The following ATP2B3 variants were observed in gnomAD, a reference collection of about 807,000 sequenced individuals.
The protein encoded by ATP2B3 is ATPase plasma membrane Ca2+ transporting 3.
A neutral mutation model predicts 70.8 loss-of-function variants in ATP2B3; 12 were observed. The observed-to-expected ratio is 0.17, with a 90% confidence interval of 0.11 to 0.27. ATP2B3 has a LOEUF of 0.27. ATP2B3 is among the 10% of genes least tolerant of loss of function. The probability of loss-of-function intolerance (pLI) is 1.00; values close to 1 mark genes in which losing one functional copy is unlikely to be tolerated. For synonymous variants in ATP2B3, 460 were observed against 497.8 expected (o/e 0.92, Z 1.01); for missense variants, 858 against 1,118.5 (o/e 0.77, Z 3.32).
chrX:153,578,735 G>GA (rs1396444587), intron 21 of ATP2B3, among the ~76,000 whole-genome samples: 2 of 112,540 alleles, frequency 1.8e-5, no homozygotes, highest in Non-Finnish European at 3.8e-5. Flanking sequence ...CTCCTGTGGG[G>GA]AGGGATGGCC....
chrX:153,536,704 GAC>G (rs1219035289), intron 3 of ATP2B3, among the ~76,000 whole-genome samples: 1 of 112,272 alleles, frequency 8.9e-6, no homozygotes, highest in Non-Finnish European at 1.9e-5. Context: ...AACTTCATGG[GAC>G]ACACACACAG....
intron 20 of ATP2B3, among the ~76,000 whole-genome samples, chrX:153,564,020 C>T (rs1208171658): frequency 3.6e-5 from 4 of 112,271 alleles, no homozygotes; most frequent in Non-Finnish European, 7.5e-5. Flanking sequence ...CCCCCCACTT[C>T]CCAGTGGCCT....
chrX:153,543,184 C>T lies in ATP2B3; in HGVS notation c.916+16C>T, dbSNP rs781932986. 1.2e-5 allele frequency: 14 copies of T among 1,199,915 alleles called. No homozygotes were observed. In the African/African-American group the frequency reaches 1.9e-4, roughly 16 times the overall value. ...GATAAGAAAGGTAGCGCAGCAGTGC[C>T]GCCAGTCCCTGGTGCTGGTGGCGGC... is the stretch of plus-strand genomic sequence containing the variant. On this transcript the variant is annotated intron_variant, in intron 7 of 21. Coordinates refer to ENST00000263519, the MANE Select transcript of ATP2B3 (RefSeq NM_001001344.3).
intron 9 of ATP2B3, 143 bp from the exon 10 acceptor site, chrX:153,548,497 G>A: frequency 1.8e-6 from 1 of 546,127 alleles, no homozygotes; most frequent in Non-Finnish European, 2.9e-6. Context: ...AACCTGGGCT[G>A]TTTATCCTGA....
chrX:153,520,886 G>C (rs1167313891), intron 2 of ATP2B3, among the ~76,000 whole-genome samples: 1 of 112,706 alleles, frequency 8.9e-6, no homozygotes, highest in African/African-American at 3.2e-5. Context: ...GGAAGACCTT[G>C]CAGCTCAGAA....
intron 1 of ATP2B3, among the ~76,000 whole-genome samples, chrX:153,518,138 C>G (rs1387615094): frequency 1.8e-5 from 2 of 112,561 alleles, no homozygotes; most frequent in Non-Finnish European, 3.8e-5. Context: ...CGCGCGCACG[C>G]GCATCCGTGT....
At chrX:153,518,369 C>T (rs2089907949) in intron 1 of ATP2B3, among the ~76,000 whole-genome samples, 63 bp from the exon 2 acceptor site, 1 of 112,777 alleles carries the variant, frequency 8.9e-6, no homozygotes, top group African/African-American at 3.2e-5. Flanking sequence ...CCACCGCGGT[C>T]ATGGGCAGTG....
At chrX:153,525,954 T>C (rs782602214) in intron 2 of ATP2B3, among the ~76,000 whole-genome samples, 2 of 113,159 alleles carry the variant, frequency 1.8e-5, no homozygotes, top group East Asian at 5.6e-4. Flanking sequence ...AGGGAGGCAC[T>C]CGTGGCTGTG....
intron 17 of ATP2B3, 100 bp from the exon 18 acceptor site, chrX:153,559,629 G>A (rs902922088): frequency 8.7e-6 from 6 of 688,732 alleles, no homozygotes; most frequent in Non-Finnish European, 1.3e-5. Flanking sequence ...AAATCCTGGT[G>A]ATGTGGACCC....
At position 153,580,600 on chromosome X, in the gene ATP2B3, A is replaced by T. The variant is rs1195678774; in HGVS notation, c.*302A>T. 12 of 282,341 alleles carry T rather than the reference A, an allele frequency of 4.3e-5. No homozygotes were observed. Among genetic ancestry groups the T allele is most frequent in the Non-Finnish European group, 7.5e-5 (12 of 159,760 alleles). The allele number at this position is 282,341 out of a possible 1,213,427, so 23.3% of individuals were successfully genotyped here. On this transcript the variant is annotated 3_prime_UTR_variant, in exon 22 of 22. Transcript: ENST00000263519. ...CTTCGTCCAAAGGAGGAAGGAGAAG[A>T]AGTAGAAAGTGCGAAGAGCTGAGTT... is the stretch of plus-strand genomic sequence containing the variant.
chrX:153,552,490 G>A (rs1557011876), intron 12 of ATP2B3, among the ~76,000 whole-genome samples: 1 of 112,101 alleles, frequency 8.9e-6, no homozygotes, highest in African/African-American at 3.2e-5. Flanking sequence ...CTTTTGAGAA[G>A]CTCCTGGAGT....
At chrX:153,570,389 G>A (rs1557019531) in intron 21 of ATP2B3, among the ~76,000 whole-genome samples, 1 of 112,692 alleles carries the variant, frequency 8.9e-6, no homozygotes, top group Non-Finnish European at 1.9e-5. Context: ...CCAAGCCACC[G>A]GGTGTTAGAG....
At chrX:153,572,033 C>T (rs556862707) in intron 21 of ATP2B3, among the ~76,000 whole-genome samples, 2 of 112,677 alleles carry the variant, frequency 1.8e-5, no homozygotes, top group South Asian at 7.3e-4. Context: ...CTTCAAGGAC[C>T]CCAAGCAATC....
intron 21 of ATP2B3, among the ~76,000 whole-genome samples, chrX:153,571,706 G>T (rs1334090055): frequency 5.3e-5 from 6 of 112,559 alleles, no homozygotes; most frequent in Admixed American, 1.9e-4. Flanking sequence ...AGTAGAGTGG[G>T]AGAGACGCCA....
chrX:153,560,818 G>A lies in ATP2B3; in HGVS notation c.2982G>A (p.Arg994=). The A allele has an allele frequency of 8.3e-7, 1 of 1,212,040 alleles. No homozygotes were observed. The highest frequency in any genetic ancestry group is 1.1e-6 in the Non-Finnish European group (1 of 895,589). ...EINARKIHGE[R]NVFDGIFSNP... is the part of the protein sequence containing the mutation. The stretch of plus-strand genomic sequence containing the variant: ...ACGCCCGCAAGATCCACGGCGAGAG[G>A]AACGTGTTCGACGGCATCTTCAGCA... The change falls in exon 19 of 22, where the codon AGG becomes AGA. Residue 994 remains arginine (R), a synonymous_variant. Coordinates refer to ENST00000263519, the MANE Select transcript of ATP2B3 (RefSeq NM_001001344.3).
chrX:153,544,063 G>C (rs1299186090), intron 7 of ATP2B3, among the ~76,000 whole-genome samples: 1 of 112,819 alleles, frequency 8.9e-6, no homozygotes, highest in East Asian at 2.8e-4. Context: ...TAGAAGCTTC[G>C]ACGAGCCCTG....
chrX:153,560,053 G>A, intron 18 of ATP2B3, 111 bp downstream of exon 18: 2 of 809,021 alleles, frequency 2.5e-6, no homozygotes, highest in Admixed American at 2.8e-5. Context: ...AGTACGGGGT[G>A]GGACGCTGCA....
chrX:153,541,367 GACA>G lies in ATP2B3; in HGVS notation c.221_223del (p.Asn74del), dbSNP rs1557006156. 6.6e-6 allele frequency: 8 copies of G among 1,212,000 alleles called. No homozygotes were observed. The highest frequency in any genetic ancestry group is 8.9e-6 in the Non-Finnish European group (8 of 895,602). On this transcript the variant is annotated inframe_deletion, in exon 4 of 22. Coordinates refer to ENST00000263519, the MANE Select transcript of ATP2B3 (RefSeq NM_001001344.3). ...TCCGGGGCACCATGCAGGCCTGGCG[GACA>G]ACACCAATGACCTGGAGAAGCGCAG...
At chrX:153,525,106 C>T (rs910288079) in intron 2 of ATP2B3, among the ~76,000 whole-genome samples, 1 of 112,128 alleles carries the variant, frequency 8.9e-6, no homozygotes, top group East Asian at 2.8e-4. Flanking sequence ...CTGAGAAACA[C>T]GAAAACAAAG....
Sources: allele counts gnomAD v4.1 joint callset (sites outside exome capture counted in the v4.1 genomes callset), GRCh38; gene constraint gnomAD v4.1.1; transcripts MANE v1.5; gene names NCBI Gene and HGNC (gene_info 2026-07-23, HGNC 2026-07-21).